AIG1: variants seen among roughly 807,000 people sequenced by gnomAD.
AIG1 encodes androgen-induced gene 1 protein.
A neutral mutation model predicts 31.4 loss-of-function variants in AIG1; 23 were observed. The observed-to-expected ratio is 0.73, with a 90% CI of 0.53 to 1.04. The LOEUF is 1.04. Ranked by LOEUF, AIG1 falls within the 50% of genes least tolerant of loss-of-function variation. AIG1 has a pLI of 0.00. For synonymous variants in AIG1, 100 were observed against 110.5 expected (o/e 0.90, Z 0.60); for missense variants, 274 against 295.0 (o/e 0.93, Z 0.52).
At chr6:143,220,600 T>C (rs1792406592) in intron 3 of AIG1, among the ~76,000 whole-genome samples, 1 of 152,212 alleles carries the variant, frequency 6.6e-6, no homozygotes, top group African/African-American at 2.4e-5. Context: ...AGAGCAAATC[T>C]TGACTCTGCT....
rs1323814728 is a variant in AIG1 at position 143,293,890 on chromosome 6, T to C, written c.515+9665T>C. 6.7e-6 allele frequency among the ~76,000 whole-genome samples: 1 copy of C among 149,894 alleles called. No homozygotes were observed. The highest frequency in any genetic ancestry group is 2.1e-4 in the East Asian group (1 of 4,764). On this transcript the variant is annotated intron_variant, in intron 4 of 5. Coordinates refer to ENST00000357847, the MANE Select transcript of AIG1 (RefSeq NM_016108.4). This position sits in a 1 kb window ranked among gnomAD's most constrained non-coding sequence, Gnocchi z 4.8. ...TCTTGATGCTACTTGGCAATTTTCC[T>C]GTGGATTTCTCCAGCCATCTCTATC...
chr6:143,341,821 G>C (rs560141477), downstream of AIG1, among the ~76,000 whole-genome samples: 1 of 152,238 alleles, frequency 6.6e-6, no homozygotes, highest in African/African-American at 2.4e-5. Flanking sequence ...ATAAATTATT[G>C]TAAGCTTACT....
chr6:143,327,636 TC>T lies in AIG1; in HGVS notation c.516-5645del. The T allele has an allele frequency of 3.6e-6, 1 of 276,538 alleles. No individual in the cohort carries two copies. Among genetic ancestry groups the T allele is most frequent in the Non-Finnish European group, 6.8e-6 (1 of 146,340 alleles). The allele number at this position is 276,538 out of a possible 1,614,324, so 17.1% of individuals were successfully genotyped here. On this transcript the variant is annotated intron_variant, in intron 4 of 5. Coordinates refer to ENST00000357847, the MANE Select transcript of AIG1 (RefSeq NM_016108.4). The surrounding 1 kb of genome is among the most constrained non-coding windows in gnomAD (Gnocchi z 5.3). The stretch of plus-strand genomic sequence containing the variant: ...ACCACTTTCAAAAATCTGCAGATAG[TC>T]AATGTGGATGAGAACTAACTGCTGA...
In AIG1 at chr6:143,066,358, C is replaced by T. The variant is rs757444900; in HGVS notation, c.141+5292C>T. ...GGTGATCTTGGCTCACTTCAACCTCCGCCTCCCAGGTTCAAGAAATTCTCC... is the reference window on the plus strand; with the variant it reads ...GGTGATCTTGGCTCACTTCAACCTCTGCCTCCCAGGTTCAAGAAATTCTCC... On this transcript the variant is annotated intron_variant, in intron 1 of 5. Transcript: ENST00000357847. Among the ~76,000 whole-genome samples the T allele has an allele frequency of 3.6e-4, 55 of 152,098 alleles. 1 individual carries two copies. Among genetic ancestry groups the T allele is most frequent in the Non-Finnish European group, 6.0e-4 (41 of 67,980 alleles).
At chr6:143,308,163 T>C (rs961080283) in intron 4 of AIG1, among the ~76,000 whole-genome samples, 3 of 152,252 alleles carry the variant, frequency 2.0e-5, no homozygotes, top group African/African-American at 7.2e-5. Context: ...GCTTCCTGAG[T>C]GAGGCAATGC....
intron 2 of AIG1, among the ~76,000 whole-genome samples, chr6:143,146,105 C>G (rs751033034): frequency 6.6e-6 from 1 of 152,038 alleles, no homozygotes; most frequent in Admixed American, 6.5e-5. Context: ...ATTCAGACAA[C>G]GGGTTCAATA....
Position 143,330,517 on chromosome 6 carries a change from CG to C in AIG1, c.516-2761del, listed in dbSNP as rs1429796752. ...CCAAGGAGTTGATGGGCTGGAGTGG[CG>C]GGGAACGATGGGGAGAATAACAGGA... On this transcript the variant is annotated intron_variant, in intron 4 of 5. Transcript: ENST00000357847. The surrounding 1 kb of genome is among the most constrained non-coding windows in gnomAD (Gnocchi z 4.4). 6.6e-6 allele frequency among the ~76,000 whole-genome samples: 1 copy of C among 151,820 alleles called. No individual in the cohort carries two copies. The highest frequency in any genetic ancestry group is 2.4e-5 in the African/African-American group (1 of 41,270).
intron 1 of AIG1, among the ~76,000 whole-genome samples, chr6:143,063,728 C>A (rs558683524): frequency 6.6e-6 from 1 of 152,270 alleles, no homozygotes; most frequent in East Asian, 1.9e-4. Context: ...TTTTTTCTAG[C>A]CAACTTGGAT....
At chr6:143,275,276 G>A (rs9373384) in intron 3 of AIG1, among the ~76,000 whole-genome samples, 48,737 of 152,000 alleles carry the variant, frequency 0.32, 8,819 homozygotes, top group Admixed American at 0.46. Context: ...AGCAGGATAG[G>A]AACCAGGCAG....
At chr6:143,155,598 T>C (rs1411631547) in intron 2 of AIG1, among the ~76,000 whole-genome samples, 1 of 152,066 alleles carries the variant, frequency 6.6e-6, no homozygotes, top group Non-Finnish European at 1.5e-5. Flanking sequence ...GAGAGAAGTA[T>C]GTCTGACAAG....
chr6:143,149,000 A>G (rs1405060673), intron 2 of AIG1, among the ~76,000 whole-genome samples: 2 of 152,208 alleles, frequency 1.3e-5, no homozygotes, highest in East Asian at 1.9e-4. Flanking sequence ...GCAGTAGGCT[A>G]TACCACCTAG....
At chr6:143,212,789 T>C (rs1791690654) in intron 3 of AIG1, among the ~76,000 whole-genome samples, 1 of 152,196 alleles carries the variant, frequency 6.6e-6, no homozygotes, top group Non-Finnish European at 1.5e-5. Context: ...AGGAGCCTTT[T>C]CCTCCTATCA....
chr6:143,142,524 T>C (rs1784326874), intron 2 of AIG1, among the ~76,000 whole-genome samples: 1 of 152,226 alleles, frequency 6.6e-6, no homozygotes, highest in Admixed American at 6.5e-5. Context: ...GCTGGTCTGC[T>C]GCATCGCGGT....
chr6:143,205,272 C>T (rs1271708338), intron 3 of AIG1, among the ~76,000 whole-genome samples: 2 of 152,154 alleles, frequency 1.3e-5, no homozygotes, highest in Admixed American at 6.5e-5. Context: ...ACAAATTATC[C>T]AGATAATCTC....
chr6:143,223,048 T>C (rs1360686210), intron 3 of AIG1, among the ~76,000 whole-genome samples: 1 of 152,230 alleles, frequency 6.6e-6, no homozygotes, highest in Non-Finnish European at 1.5e-5. Flanking sequence ...GCAGTATCAT[T>C]GAATCATTTT....
chr6:143,079,202 G>A (rs1320353994), intron 1 of AIG1, among the ~76,000 whole-genome samples: 1 of 152,004 alleles, frequency 6.6e-6, no homozygotes, highest in Non-Finnish European at 1.5e-5. Context: ...TTTTCTTGGG[G>A]TTTTAGGTAC....
At chr6:143,247,917 CT>C (rs577170700) in intron 3 of AIG1, among the ~76,000 whole-genome samples, 13 of 152,316 alleles carry the variant, frequency 8.5e-5, no homozygotes, top group Admixed American at 7.8e-4. Flanking sequence ...CCATTTTCCT[CT>C]GGTTTTTCCT....
chr6:143,085,327 G>A (rs1040797854), intron 1 of AIG1, among the ~76,000 whole-genome samples: 2 of 152,118 alleles, frequency 1.3e-5, no homozygotes, highest in Non-Finnish European at 2.9e-5. Flanking sequence ...TGGTCCTAAT[G>A]CTTATTCCTT....
chr6:143,116,380 G>C (rs1781737853), intron 1 of AIG1, among the ~76,000 whole-genome samples: 1 of 152,126 alleles, frequency 6.6e-6, no homozygotes, highest in Admixed American at 6.6e-5. Flanking sequence ...AAAATGAAAA[G>C]AGTTAAAATC....
Sources: allele counts gnomAD v4.1 joint callset (sites outside exome capture counted in the v4.1 genomes callset), GRCh38; gene constraint gnomAD v4.1.1; non-coding constraint Gnocchi (gnomAD v3.1); transcripts MANE v1.5; gene names NCBI Gene and HGNC (gene_info 2026-07-23, HGNC 2026-07-21).